Variants in KIRREL3 observed in about 807,000 individuals in gnomAD.
KIRREL3 encodes the protein kirre like nephrin family adhesion molecule 3.
A neutral mutation model predicts 89.7 loss-of-function variants in KIRREL3; 36 were observed. That is an observed-to-expected ratio of 0.40 (90% CI 0.31 to 0.53). The LOEUF is 0.53. Among genes scored for constraint, KIRREL3 ranks in the 20% least tolerant of loss-of-function variants. The pLI is 0.49. For synonymous variants in KIRREL3, 445 were observed against 441.4 expected, an observed-to-expected ratio of 1.01 and a Z score of -0.10; for missense variants, 864 against 1,056.6, an observed-to-expected ratio of 0.82 and a Z score of 2.53.
At chr11:126,499,841 A>G (rs1184236900) in intron 4 of KIRREL3, among the ~76,000 whole-genome samples, 1 of 152,196 alleles carries the variant, frequency 6.6e-6, no homozygotes, top group East Asian at 1.9e-4. Context: ...TATTGTGCTT[A>G]TATATTCGAG....
Position 126,969,037 on chromosome 11 carries a change from G to C in KIRREL3, c.55+31418C>G, listed in dbSNP as rs1272408046. Among the ~76,000 whole-genome samples the C allele has an allele frequency of 2.0e-5, 3 of 152,170 alleles. No individual in the cohort carries two copies. The highest frequency in any genetic ancestry group is 7.2e-5 in the African/African-American group (3 of 41,454). ...GGAAAACCCTGCCTCTCCTTGCATA[G>C]ATGTCAGAAGTAACACTTCAGGCGG... On this transcript the variant is annotated intron_variant, in intron 1 of 16. Transcript: ENST00000525144. The surrounding 1 kb of genome is among the most constrained non-coding windows in gnomAD (Gnocchi z 4.9).
rs7927568 is a variant in KIRREL3 at position 126,918,083 on chromosome 11, A to G, written c.55+82372T>C. Among the ~76,000 whole-genome samples, 3,358 of 152,204 alleles carry G rather than the reference A, an allele frequency of 0.022. 139 individuals are homozygous for G. Among genetic ancestry groups the G allele is most frequent in the African/African-American group, 0.076 (3,157 of 41,498 alleles). Reference sequence around the variant, plus strand: ...CTCAGAAATACGAGATTGGCCCATAATGATATGCATGCCTCTCAGAGGGAA... The same window carrying G: ...CTCAGAAATACGAGATTGGCCCATAGTGATATGCATGCCTCTCAGAGGGAA... On this transcript the variant is annotated intron_variant, in intron 1 of 16. Coordinates refer to ENST00000525144, the MANE Select transcript of KIRREL3 (RefSeq NM_032531.4). The surrounding 1 kb of genome is among the most constrained non-coding windows in gnomAD (Gnocchi z 6.5).
At chr11:126,873,581 C>A (rs1623141) in intron 1 of KIRREL3, among the ~76,000 whole-genome samples, 1 of 152,176 alleles carries the variant, frequency 6.6e-6, no homozygotes, top group Admixed American at 6.5e-5. Flanking sequence ...AAAGCAAAAG[C>A]AATTTTTATA....
intron 1 of KIRREL3, among the ~76,000 whole-genome samples, chr11:126,584,280 C>T (rs1384544796): frequency 1.3e-5 from 2 of 152,156 alleles, no homozygotes; most frequent in East Asian, 1.9e-4. Context: ...AGGGCGTTGG[C>T]GTTCCCATCT....
chr11:126,983,423 C>A lies in KIRREL3; in HGVS notation c.55+17032G>T, dbSNP rs1476860461. ...CCGCCAAAGATGCCCATGTCCTAATCCCTTTACAGGACAAAAGGGATTTTG... is the reference window on the plus strand; with the variant it reads ...CCGCCAAAGATGCCCATGTCCTAATACCTTTACAGGACAAAAGGGATTTTG... On this transcript the variant is annotated intron_variant, in intron 1 of 16. Transcript: ENST00000525144. This position sits in a 1 kb window ranked among gnomAD's most constrained non-coding sequence, Gnocchi z 4.9. Among the ~76,000 whole-genome samples, 2 of 152,182 alleles carry A rather than the reference C, an allele frequency of 1.3e-5. No homozygotes were observed. Among genetic ancestry groups the A allele is most frequent in the Non-Finnish European group, 2.9e-5 (2 of 68,028 alleles).
intron 1 of KIRREL3, among the ~76,000 whole-genome samples, chr11:126,932,756 A>G (rs1179821207): frequency 6.6e-6 from 1 of 152,246 alleles, no homozygotes; most frequent in Non-Finnish European, 1.5e-5. Flanking sequence ...GTTAGAAAAA[A>G]ATAAACTCAA....
At position 126,485,056 on chromosome 11, in the gene KIRREL3, G is replaced by T. The variant is rs577391473; in HGVS notation, c.434-11590C>A. Among the ~76,000 whole-genome samples, 1 of 152,182 alleles carries T rather than the reference G, an allele frequency of 6.6e-6. No homozygotes were observed. The highest frequency in any genetic ancestry group is 1.9e-4 in the East Asian group (1 of 5,188). Reference sequence around the variant, plus strand: ...GCTGGTCTCAAACGCCTGACCTCAGGTGATCCGCCCACCTTAGCCTCCAAA... The same window carrying T: ...GCTGGTCTCAAACGCCTGACCTCAGTTGATCCGCCCACCTTAGCCTCCAAA... On this transcript the variant is annotated intron_variant, in intron 4 of 16. Coordinates refer to ENST00000525144, the MANE Select transcript of KIRREL3 (RefSeq NM_032531.4). This position sits in a 1 kb window ranked among gnomAD's most constrained non-coding sequence, Gnocchi z 5.8.
rs114231489 is a variant in KIRREL3, at chr11:126,838,721, G to A, written c.55+161734C>T. On this transcript the variant is annotated intron_variant, in intron 1 of 16. Transcript: ENST00000525144. ...ATTATTATCTCAGACAGTGGTAAAT[G>A]GAATTTTTTGCTAGCAGTGAATTTT... 2.1e-3 allele frequency among the ~76,000 whole-genome samples: 313 copies of A among 152,256 alleles called. 3 individuals are homozygous for A. The highest frequency in any genetic ancestry group is 7.1e-3 in the African/African-American group (295 of 41,548).
intron 1 of KIRREL3, among the ~76,000 whole-genome samples, chr11:126,885,900 C>T (rs1410541192): frequency 4.6e-5 from 7 of 152,210 alleles, no homozygotes; most frequent in African/African-American, 1.4e-4. Context: ...GATTTTACCA[C>T]TGTCTACATT....
At chr11:126,660,167 G>A (rs543531219) in intron 1 of KIRREL3, among the ~76,000 whole-genome samples, 1 of 152,284 alleles carries the variant, frequency 6.6e-6, no homozygotes, top group East Asian at 1.9e-4. Flanking sequence ...GAAGAGAACT[G>A]TGAGGCCACA....
At chr11:126,554,442 C>T (rs575558790) in intron 2 of KIRREL3, among the ~76,000 whole-genome samples, 34 of 152,230 alleles carry the variant, frequency 2.2e-4, no homozygotes, top group South Asian at 4.1e-4. Context: ...GACAAGTGCC[C>T]GCTGCCTGTG....
chr11:126,767,510 C>G (rs1413651623), intron 1 of KIRREL3, among the ~76,000 whole-genome samples: 1 of 151,750 alleles, frequency 6.6e-6, no homozygotes, highest in Non-Finnish European at 1.5e-5. Flanking sequence ...GTTTTGAACC[C>G]TGGCCCTGTT....
rs531322165 is a variant in KIRREL3, at chr11:126,429,225, G to A, written c.1760C>T (p.Ala587Val). The change falls in exon 15 of 17, where the codon GCC becomes GTC. Residue 587 changes from alanine (A) to valine (V), a missense_variant. By Grantham distance (64) the Ala-to-Val change is moderately conservative. Coordinates refer to ENST00000525144, the MANE Select transcript of KIRREL3 (RefSeq NM_032531.4). This position sits in a 1 kb window ranked among gnomAD's most constrained non-coding sequence, Gnocchi z 5.2. ...GTGCTCCTCACCCTCCCGACCAGAG[G>A]CTGGTTCCTTGTGGACAATTTCCAC... The part of the protein sequence containing the change: ...IRVEIVHKEP[A>V]SGREGEEHST... 1 of 1,613,798 alleles carries A rather than the reference G, an allele frequency of 6.2e-7. No homozygotes were observed. Among genetic ancestry groups the A allele is most frequent in the Non-Finnish European group, 8.5e-7 (1 of 1,179,808 alleles).
rs985892639 is a variant in KIRREL3, at chr11:126,682,988, A to G, written c.56-120076T>C. On this transcript the variant is annotated intron_variant, in intron 1 of 16. Transcript: ENST00000525144. This position sits in a 1 kb window ranked among gnomAD's most constrained non-coding sequence, Gnocchi z 4.8. ...TCGCACCTCAGCCTCCCAAGTAGCT[A>G]GGACTTCAGGCATGCACTACTATGC... 3.9e-5 allele frequency among the ~76,000 whole-genome samples: 6 copies of G among 152,130 alleles called. No homozygotes were observed. The highest frequency in any genetic ancestry group is 1.4e-4 in the African/African-American group (6 of 41,440).
At chr11:126,726,619 C>T (rs1238929913) in intron 1 of KIRREL3, among the ~76,000 whole-genome samples, 3 of 152,122 alleles carry the variant, frequency 2.0e-5, no homozygotes, top group Admixed American at 1.3e-4. Flanking sequence ...CTGCCCACCT[C>T]GGCCTCCCAA....
chr11:126,582,568 CA>C lies in KIRREL3; in HGVS notation c.56-19657del, dbSNP rs201158000. On this transcript the variant is annotated intron_variant, in intron 1 of 16. Transcript: ENST00000525144. The stretch of plus-strand genomic sequence containing the variant: ...CCCAGTCTGAATTCCACGGCAGGGA[CA>C]GCTGAGAAGCAGGCGGATGGATGAC... Among the ~76,000 whole-genome samples the C allele has an allele frequency of 1.6e-4, 24 of 152,294 alleles. No individual in the cohort carries two copies. In the East Asian group the frequency reaches 4.4e-3, roughly 28 times the overall value.
chr11:126,545,775 G>A (rs551749420), intron 2 of KIRREL3, among the ~76,000 whole-genome samples: 9 of 152,286 alleles, frequency 5.9e-5, no homozygotes, highest in African/African-American at 2.2e-4. Flanking sequence ...TTCTCTTCTG[G>A]TTCTGGAGGG....
In KIRREL3 at chr11:126,755,878, C is replaced by CAGAGAGAG. The variant is rs10699844; in HGVS notation, c.56-192974_56-192967dup. ...GAGGGAGAGAGGGAGAGAGAAAAAA[C>CAGAGAGAG]AGAGAGAGAGAGAGAGAGAGAAGAC... On this transcript the variant is annotated intron_variant, in intron 1 of 16. Coordinates refer to ENST00000525144, the MANE Select transcript of KIRREL3 (RefSeq NM_032531.4). This position sits in a 1 kb window ranked among gnomAD's most constrained non-coding sequence, Gnocchi z 4.3. Among the ~76,000 whole-genome samples the CAGAGAGAG allele has an allele frequency of 4.1e-3, 610 of 148,826 alleles. 4 individuals are homozygous for CAGAGAGAG. Among genetic ancestry groups the CAGAGAGAG allele is most frequent in the African/African-American group, 0.014 (582 of 40,460 alleles).
At position 126,687,257 on chromosome 11, in the gene KIRREL3, G is replaced by A. The variant is rs1946700129; in HGVS notation, c.56-124345C>T. On this transcript the variant is annotated intron_variant, in intron 1 of 16. Coordinates refer to ENST00000525144, the MANE Select transcript of KIRREL3 (RefSeq NM_032531.4). This position sits in a 1 kb window ranked among gnomAD's most constrained non-coding sequence, Gnocchi z 4.6. ...TTTCACACCTGGCTTTCTTGCCTAA[G>A]CAAATTCAGAGTCACCCTAACTTGG... Among the ~76,000 whole-genome samples, 1 of 152,136 alleles carries A rather than the reference G, an allele frequency of 6.6e-6. No homozygotes were observed. Among genetic ancestry groups the A allele is most frequent in the Non-Finnish European group, 1.5e-5 (1 of 68,026 alleles).
Sources: allele counts gnomAD v4.1 joint callset (sites outside exome capture counted in the v4.1 genomes callset), GRCh38; gene constraint gnomAD v4.1.1; non-coding constraint Gnocchi (gnomAD v3.1); transcripts MANE v1.5; gene names NCBI Gene and HGNC (gene_info 2026-07-23, HGNC 2026-07-21).